Variants in RBFOX1 observed in about 807,000 individuals in gnomAD.
The protein encoded by RBFOX1 is RNA binding fox-1 homolog 1.
RBFOX1 carries 8 observed loss-of-function variants against 57.7 expected under a neutral mutation model. That is an observed-to-expected ratio of 0.14 (90% confidence interval 0.08 to 0.25). The LOEUF (loss-of-function observed/expected upper bound fraction) is 0.25. RBFOX1 is among the 10% of genes least tolerant of loss of function. RBFOX1 has a pLI of 1.00. For missense variants in RBFOX1, 611 were observed against 548.5 expected (o/e 1.11, Z -1.14); for synonymous variants, 326 against 222.4 (o/e 1.47, Z -4.15).
At chr16:5,836,759 G>T (rs148905313) in intron 3 of RBFOX1, among the ~76,000 whole-genome samples, 1 of 152,124 alleles carries the variant, frequency 6.6e-6, no homozygotes, top group Non-Finnish European at 1.5e-5. Flanking sequence ...CCCTCCTCAC[G>T]CCCAGTTGTG....
chr16:6,669,520 T>G (rs1297967347), intron 3 of RBFOX1, among the ~76,000 whole-genome samples: 1 of 152,178 alleles, frequency 6.6e-6, no homozygotes, highest in Non-Finnish European at 1.5e-5. Flanking sequence ...CAAGTAAAAA[T>G]TATATGTTTA....
chr16:7,336,335 T>C (rs1603624125), intron 4 of RBFOX1, among the ~76,000 whole-genome samples: 1 of 152,256 alleles, frequency 6.6e-6, no homozygotes, highest in Non-Finnish European at 1.5e-5. Flanking sequence ...AATCTAGGTA[T>C]CTACCTCATA....
intron 3 of RBFOX1, among the ~76,000 whole-genome samples, chr16:6,926,883 C>T (rs1415222112): frequency 7.9e-5 from 12 of 152,080 alleles, no homozygotes; most frequent in African/African-American, 1.9e-4. Context: ...TTAGAACCTG[C>T]GCATTGTCCT....
At chr16:5,271,360 T>C (rs980237286) in intron 1 of RBFOX1, among the ~76,000 whole-genome samples, 4 of 132,666 alleles carry the variant, frequency 3.0e-5, no homozygotes, top group East Asian at 2.3e-4. Flanking sequence ...CTGTCTCTTA[T>C]GCATACATAC....
intron 1 of RBFOX1, among the ~76,000 whole-genome samples, chr16:5,400,412 G>T (rs868211718): frequency 2.5e-4 from 38 of 151,886 alleles, no homozygotes; most frequent in African/African-American, 8.2e-4. Context: ...TTCTCTCTTT[G>T]TACATCTCTA....
At chr16:7,589,713 G>A (rs1338936324) in intron 7 of RBFOX1, among the ~76,000 whole-genome samples, 1 of 151,910 alleles carries the variant, frequency 6.6e-6, no homozygotes, top group Non-Finnish European at 1.5e-5. Flanking sequence ...ATGGGAAAGG[G>A]CCTTATTTAG....
chr16:5,313,309 G>A lies in RBFOX1; in HGVS notation c.219+73204G>A, dbSNP rs565054466. On this transcript the variant is annotated intron_variant, in intron 1 of 2. Transcript: ENST00000585867. Reference sequence around the variant, plus strand: ...TCATGGCAGTTGATGAGGAGAGCAAGGACCAGGTGACAAGACAGCTCTAGA... The same window carrying A: ...TCATGGCAGTTGATGAGGAGAGCAAAGACCAGGTGACAAGACAGCTCTAGA... 7.2e-5 allele frequency among the ~76,000 whole-genome samples: 11 copies of A among 152,272 alleles called. No homozygotes were observed. In the South Asian group the frequency reaches 2.3e-3, roughly 32 times the overall value.
At chr16:6,929,386 A>C (rs1467087395) in intron 3 of RBFOX1, among the ~76,000 whole-genome samples, 1 of 152,182 alleles carries the variant, frequency 6.6e-6, no homozygotes, top group Non-Finnish European at 1.5e-5. Context: ...ACCATTGTCA[A>C]AATGACATCC....
intron 3 of RBFOX1, among the ~76,000 whole-genome samples, chr16:6,720,015 A>G (rs1417556042): frequency 6.6e-6 from 1 of 151,856 alleles, no homozygotes; most frequent in Non-Finnish European, 1.5e-5. Flanking sequence ...AATCGCTTGA[A>G]CCTGGGAGGC....
rs187034270 is a variant in RBFOX1, at chr16:7,132,314, C to A, written c.27+80216C>A. On this transcript the variant is annotated intron_variant, in intron 4 of 15. Transcript: ENST00000550418. ...AGTTCATCATTGCAATGTTCTTTAT[C>A]TGTATATATTTTTAATTGAACTCCT... is the stretch of plus-strand genomic sequence containing the variant. Among the ~76,000 whole-genome samples the A allele has an allele frequency of 6.0e-3, 908 of 151,982 alleles. 4 individuals carry two copies. Among genetic ancestry groups the A allele is most frequent in the Middle Eastern group, 0.02 (6 of 294 alleles).
chr16:5,250,304 G>A (rs1197131314), intron 1 of RBFOX1, among the ~76,000 whole-genome samples: 2 of 131,256 alleles, frequency 1.5e-5, no homozygotes, highest in Admixed American at 7.7e-5. Context: ...TGTGCAGAAT[G>A]TGCAGGTTTG....
At chr16:5,808,841 G>T (rs912068198) in intron 3 of RBFOX1, among the ~76,000 whole-genome samples, 3 of 152,244 alleles carry the variant, frequency 2.0e-5, no homozygotes, top group Admixed American at 1.3e-4. Flanking sequence ...GGGTTTTCTA[G>T]ATATACAATC....
intron 3 of RBFOX1, among the ~76,000 whole-genome samples, chr16:6,741,059 A>G (rs2071927943): frequency 6.6e-6 from 1 of 152,208 alleles, no homozygotes; most frequent in Non-Finnish European, 1.5e-5. Context: ...ACACTGAAAT[A>G]GCCCCAGACA....
chr16:6,894,540 C>G (rs1277891186), intron 3 of RBFOX1, among the ~76,000 whole-genome samples: 2 of 152,118 alleles, frequency 1.3e-5, no homozygotes, highest in East Asian at 3.9e-4. Context: ...GAGGTACTCC[C>G]AAAGTGTACC....
At chr16:6,901,268 T>C (rs2068418822) in intron 3 of RBFOX1, among the ~76,000 whole-genome samples, 1 of 152,202 alleles carries the variant, frequency 6.6e-6, no homozygotes, top group African/African-American at 2.4e-5. Flanking sequence ...TGCTTGTTCA[T>C]CTCTTCTGTC....
intron 3 of RBFOX1, among the ~76,000 whole-genome samples, chr16:6,661,150 C>G (rs1937820774): frequency 6.6e-6 from 1 of 152,154 alleles, no homozygotes; most frequent in Admixed American, 6.5e-5. Context: ...CTGAATTTTC[C>G]TGTAATACCA....
intron 3 of RBFOX1, among the ~76,000 whole-genome samples, chr16:6,656,933 C>G (rs2098659839): frequency 7.5e-6 from 1 of 133,218 alleles, no homozygotes; most frequent in Admixed American, 7.4e-5. Context: ...CTCTCCTCCC[C>G]TCTCCTCCCC....
chr16:5,382,349 C>G (rs1018333917), intron 1 of RBFOX1, among the ~76,000 whole-genome samples: 1 of 151,926 alleles, frequency 6.6e-6, no homozygotes, highest in South Asian at 2.1e-4. Flanking sequence ...TTATGTATTA[C>G]CACTTGTTTG....
chr16:6,780,526 ATATT>A (rs1332589991), intron 3 of RBFOX1, among the ~76,000 whole-genome samples: 11 of 128,814 alleles, frequency 8.5e-5, no homozygotes, highest in East Asian at 2.4e-4. Flanking sequence ...ACATTTATAT[ATATT>A]TATATATACA....
Sources: allele counts gnomAD v4.1 joint callset (sites outside exome capture counted in the v4.1 genomes callset), GRCh38; gene constraint gnomAD v4.1.1; transcripts MANE v1.5; gene names NCBI Gene and HGNC (gene_info 2026-07-23, HGNC 2026-07-21).